Variants in PREX2 observed in about 807,000 individuals in gnomAD.
The protein encoded by PREX2 is phosphatidylinositol 3,4,5-trisphosphate-dependent Rac exchanger 2 protein.
PREX2 carries 107 observed loss-of-function variants against 203.2 expected under a neutral mutation model. That is an observed-to-expected ratio of 0.53 (90% CI 0.45 to 0.62). The LOEUF is 0.62. Among genes scored for constraint, PREX2 ranks in the 20% least tolerant of loss-of-function variants. The probability of loss-of-function intolerance (pLI) is 0.00; values close to 1 mark genes in which losing one functional copy is unlikely to be tolerated. For synonymous variants in PREX2, 672 were observed against 663.6 expected, an observed-to-expected ratio of 1.01 and a Z score of -0.19; for missense variants, 1,777 against 1,955.9, an observed-to-expected ratio of 0.91 and a Z score of 1.72.
intron 35 of PREX2, among the ~76,000 whole-genome samples, chr8:68,173,720 A>G (rs990162904): frequency 1.8e-4 from 28 of 152,140 alleles, no homozygotes; most frequent in Admixed American, 1.3e-4. Flanking sequence ...AATATTTTTA[A>G]GGATGAATAG....
At chr8:68,124,101 G>T (rs1401221399) in intron 30 of PREX2, among the ~76,000 whole-genome samples, 3 of 152,086 alleles carry the variant, frequency 2.0e-5, no homozygotes, top group Non-Finnish European at 4.4e-5. Flanking sequence ...GGGACGCAAA[G>T]TTGGTTCAAC....
intron 39 of PREX2, among the ~76,000 whole-genome samples, chr8:68,226,688 T>C (rs1489302381): frequency 6.6e-6 from 1 of 152,192 alleles, no homozygotes. Flanking sequence ...GGCCCCTTGC[T>C]AAAAGCTAGA....
intron 25 of PREX2, among the ~76,000 whole-genome samples, chr8:68,112,341 G>C (rs1317181723): frequency 6.6e-6 from 1 of 152,168 alleles, no homozygotes; most frequent in African/African-American, 2.4e-5. Flanking sequence ...TTTAAATAGA[G>C]GATTTGTGTA....
intron 37 of PREX2, among the ~76,000 whole-genome samples, chr8:68,204,735 A>AC (rs929542900): frequency 7.9e-6 from 1 of 126,662 alleles, no homozygotes; most frequent in Non-Finnish European, 1.5e-5. Flanking sequence ...CCCAGGCTAG[A>AC]GTGCAATGGC....
chr8:68,013,881 G>A (rs748901374), intron 1 of PREX2, among the ~76,000 whole-genome samples: 25 of 152,084 alleles, frequency 1.6e-4, no homozygotes, highest in Non-Finnish European at 2.4e-4. Flanking sequence ...GAGTAATAAG[G>A]TTTAGTGCTG....
At chr8:68,168,569 C>T (rs1410990547) in intron 35 of PREX2, among the ~76,000 whole-genome samples, 1 of 152,174 alleles carries the variant, frequency 6.6e-6, no homozygotes, top group African/African-American at 2.4e-5. Context: ...TATTAGATTT[C>T]CTTTGCACAG....
chr8:68,062,833 T>C (rs1808897672), intron 11 of PREX2, among the ~76,000 whole-genome samples: 1 of 152,164 alleles, frequency 6.6e-6, no homozygotes, highest in African/African-American at 2.4e-5. Context: ...TTATTACCTC[T>C]TTATCTCCCT....
chr8:67,993,627 C>T (rs757346020), intron 1 of PREX2, among the ~76,000 whole-genome samples: 4 of 152,010 alleles, frequency 2.6e-5, no homozygotes, highest in Non-Finnish European at 4.4e-5. Flanking sequence ...AGGCTGGTAT[C>T]GAACTCCTAA....
rs1403052598 is a variant in PREX2 at position 68,234,042 on chromosome 8, CAACAGTGTTGCAATCTGAA to C, written c.*2667_*2685del. The C allele has an allele frequency of 6.6e-6, 1 of 152,172 alleles. No homozygotes were observed. The highest frequency in any genetic ancestry group is 6.5e-5 in the Admixed American group (1 of 15,268). The allele number at this position is 152,172 out of a possible 1,614,324, so 9.4% of individuals were successfully genotyped here. A position where few individuals can be genotyped will look rare whatever the true frequency, so the allele number is the denominator to read the frequency against. ...TCTGGATGCACATTTTGAGGTAACT[CAACAGTGTTGCAATCTGAA>C]AAACTATTTTGTATCATGTTCCTCC... On this transcript the variant is annotated 3_prime_UTR_variant, in exon 40 of 40. Transcript: ENST00000288368.
chr8:68,204,850 T>G (rs1350930512), intron 37 of PREX2, among the ~76,000 whole-genome samples: 1 of 151,646 alleles, frequency 6.6e-6, no homozygotes, highest in Non-Finnish European at 1.5e-5. Flanking sequence ...CCCGGCTAAT[T>G]TTTTGTATTT....
At position 68,060,664 on chromosome 8, in the gene PREX2, G is replaced by T; in HGVS notation, c.1239-15G>T. 1 of 1,597,892 alleles carries T rather than the reference G, an allele frequency of 6.3e-7. No homozygotes were observed. The highest frequency in any genetic ancestry group is 1.1e-5 in the South Asian group (1 of 88,922). On this transcript the variant is annotated splice_polypyrimidine_tract_variant and intron_variant, in intron 10 of 39. Transcript: ENST00000288368. ...AAATTAACCGTTTAGCTTTTTCACTGACTTTCTCTTGCAGCGAATTTGTGT... is the reference window on the plus strand; with the variant it reads ...AAATTAACCGTTTAGCTTTTTCACTTACTTTCTCTTGCAGCGAATTTGTGT...
chr8:68,114,814 CG>C (rs537136237), intron 25 of PREX2, among the ~76,000 whole-genome samples: 8 of 152,026 alleles, frequency 5.3e-5, no homozygotes, highest in Non-Finnish European at 1.2e-4. Flanking sequence ...AGCAGGGAGA[CG>C]GATAGACAAT....
At chr8:67,993,098 A>T (rs1806654453) in intron 1 of PREX2, among the ~76,000 whole-genome samples, 1 of 152,178 alleles carries the variant, frequency 6.6e-6, no homozygotes, top group Non-Finnish European at 1.5e-5. Flanking sequence ...AGAAATGGTT[A>T]TTTTAAACGG....
In PREX2 at chr8:68,146,226, C is replaced by G; in HGVS notation, c.4105C>G (p.Gln1369Glu). ...PLVANVPLTY[Q>E]AEGSRQALKV... Reference sequence around the variant, plus strand: ...CATTTTAGATGTTCCTCTTACATATCAAGCAGAAGGAAGTCGGCAAGCTCT... The same window carrying G: ...CATTTTAGATGTTCCTCTTACATATGAAGCAGAAGGAAGTCGGCAAGCTCT... Residue 1369 changes from glutamine to glutamate, a missense_variant, in exon 34 of 40, where the codon CAA becomes GAA. Gln to Glu is a conservative substitution (Grantham distance 29). Transcript: ENST00000288368. 1.9e-6 allele frequency: 3 copies of G among 1,607,980 alleles called. No homozygotes were observed. The highest frequency in any genetic ancestry group is 1.7e-4 in the Middle Eastern group (1 of 5,936).
chr8:67,978,022 C>T (rs967143089), intron 1 of PREX2, among the ~76,000 whole-genome samples: 7 of 152,150 alleles, frequency 4.6e-5, no homozygotes, highest in Non-Finnish European at 1.0e-4. Flanking sequence ...AGGGGAACCC[C>T]GGTTTTTAGC....
intron 8 of PREX2, among the ~76,000 whole-genome samples, chr8:68,046,886 A>G (rs1808367383): frequency 6.6e-6 from 1 of 150,584 alleles, no homozygotes. Flanking sequence ...TATATCCACT[A>G]GGTTCCTGGG....
chr8:68,202,558 A>G (rs903591568), intron 37 of PREX2, among the ~76,000 whole-genome samples: 39 of 152,212 alleles, frequency 2.6e-4, no homozygotes, highest in Non-Finnish European at 2.9e-5. Context: ...TTACAGTATT[A>G]CAGCAAGAGA....
chr8:68,058,439 C>CT (rs5892127), intron 10 of PREX2, among the ~76,000 whole-genome samples: 45 of 147,214 alleles, frequency 3.1e-4, no homozygotes, highest in Middle Eastern at 3.6e-3. Context: ...CATTGACATT[C>CT]TTTTTTTTTT....
chr8:68,079,258 C>T (rs1809441814), intron 15 of PREX2, among the ~76,000 whole-genome samples: 1 of 152,202 alleles, frequency 6.6e-6, no homozygotes, highest in African/African-American at 2.4e-5. Context: ...CGTTTGTTAA[C>T]TCAAGTTGCC....
Sources: gnomAD v4.1 joint callset for allele counts (sites outside exome capture counted in the v4.1 genomes callset) on GRCh38, gnomAD v4.1.1 for gene constraint, MANE v1.5 for transcripts, NCBI Gene and HGNC (gene_info 2026-07-23, HGNC 2026-07-21) for gene names.